NRXN1: variants seen among roughly 807,000 people sequenced by gnomAD.
NRXN1 encodes neurexin 1, also known as neurexin-1.
NRXN1 carries 39 observed loss-of-function variants against 150.9 expected under a neutral mutation model. The observed-to-expected ratio is 0.26, with a 90% confidence interval of 0.20 to 0.34. The LOEUF (loss-of-function observed/expected upper bound fraction) is 0.34, where lower values mean the gene tolerates loss of function less well. Among genes scored for constraint, NRXN1 ranks in the 10% least tolerant of loss-of-function variants. NRXN1 has a pLI of 1.00. For missense variants in NRXN1, 1,815 were observed against 1,949.9 expected, an observed-to-expected ratio of 0.93 and a Z score of 1.30; for synonymous variants, 924 against 757.0, an observed-to-expected ratio of 1.22 and a Z score of -3.62.
At chr2:50,218,865 T>C (rs959624204) in intron 18 of NRXN1, among the ~76,000 whole-genome samples, 2 of 152,056 alleles carry the variant, frequency 1.3e-5, no homozygotes, top group Non-Finnish European at 2.9e-5. Context: ...GTTATACATA[T>C]GCAAAACAAA....
intron 17 of NRXN1, among the ~76,000 whole-genome samples, chr2:50,260,564 C>T (rs1333158294): frequency 6.9e-6 from 1 of 145,452 alleles, no homozygotes; most frequent in Non-Finnish European, 1.5e-5. Flanking sequence ...AATTCCTATT[C>T]AATCACTTTT....
intron 8 of NRXN1, among the ~76,000 whole-genome samples, chr2:50,566,480 C>T (rs1669882832): frequency 6.7e-6 from 1 of 148,432 alleles, no homozygotes; most frequent in African/African-American, 2.5e-5. Flanking sequence ...GTCTGAAATG[C>T]ATGACCTCTG....
intron 18 of NRXN1, among the ~76,000 whole-genome samples, chr2:50,164,299 T>C (rs2059543842): frequency 1.3e-5 from 2 of 152,176 alleles, no homozygotes; most frequent in South Asian, 2.1e-4. Flanking sequence ...GTTAAAATGA[T>C]TTAGTTTGAC....
chr2:50,207,071 A>T (rs933195179), intron 18 of NRXN1, among the ~76,000 whole-genome samples: 2 of 152,084 alleles, frequency 1.3e-5, no homozygotes, highest in Non-Finnish European at 2.9e-5. Context: ...GAAATTCATA[A>T]AAGTATGTTA....
At chr2:50,424,762 C>T (rs1300897177) in intron 17 of NRXN1, among the ~76,000 whole-genome samples, 1 of 152,122 alleles carries the variant, frequency 6.6e-6, no homozygotes, top group Non-Finnish European at 1.5e-5. Flanking sequence ...GTCCTGGATA[C>T]CTATTTGTAC....
intron 8 of NRXN1, among the ~76,000 whole-genome samples, chr2:50,566,491 G>T (rs1573575151): frequency 6.6e-6 from 1 of 150,668 alleles, no homozygotes; most frequent in African/African-American, 2.5e-5. Flanking sequence ...ATGACCTCTG[G>T]TGATCCGCCT....
intron 18 of NRXN1, 72 bp downstream of exon 18, chr2:50,236,717 C>A (rs923151313): frequency 6.1e-6 from 9 of 1,468,302 alleles, no homozygotes; most frequent in Non-Finnish European, 8.5e-6. Context: ...ATCCAAGAAG[C>A]AAAATTATAA....
At chr2:50,637,033 A>C (rs556485220) in intron 5 of NRXN1, among the ~76,000 whole-genome samples, 19 of 152,296 alleles carry the variant, frequency 1.2e-4, no homozygotes, top group African/African-American at 4.3e-4. Context: ...TAGAGCCCAT[A>C]ATTTGAAATT....
chr2:51,026,934 C>T (rs1208090912), intron 2 of NRXN1, among the ~76,000 whole-genome samples: 1 of 152,176 alleles, frequency 6.6e-6, no homozygotes, highest in Non-Finnish European at 1.5e-5. Context: ...AGGTTTTTAC[C>T]GCTCTATCTG....
intron 8 of NRXN1, among the ~76,000 whole-genome samples, chr2:50,567,338 G>C (rs1670026279): frequency 6.6e-6 from 1 of 152,162 alleles, no homozygotes; most frequent in African/African-American, 2.4e-5. Context: ...TAAGAGAAGA[G>C]AGATGTACTA....
At chr2:50,195,971 T>G (rs1263168304) in intron 18 of NRXN1, among the ~76,000 whole-genome samples, 2 of 152,120 alleles carry the variant, frequency 1.3e-5, no homozygotes, top group Non-Finnish European at 2.9e-5. Context: ...TTTTATTTTT[T>G]AATTTTATTT....
intron 2 of NRXN1, among the ~76,000 whole-genome samples, chr2:50,979,725 CAGA>C (rs1409463104): frequency 1.3e-5 from 2 of 152,092 alleles, no homozygotes; most frequent in Non-Finnish European, 2.9e-5. Context: ...TGTACTTTCT[CAGA>C]AGAAAAGGAT....
intron 5 of NRXN1, among the ~76,000 whole-genome samples, chr2:50,872,062 G>A (rs562715449): frequency 2.6e-4 from 39 of 151,884 alleles, no homozygotes; most frequent in African/African-American, 9.2e-4. Flanking sequence ...ACTACTCAGA[G>A]ACAACTACCT....
At chr2:50,811,199 C>T (rs1386996642) in intron 5 of NRXN1, among the ~76,000 whole-genome samples, 1 of 152,106 alleles carries the variant, frequency 6.6e-6, no homozygotes, top group Non-Finnish European at 1.5e-5. Context: ...ACCGGCTAAT[C>T]CAACACTGAT....
intron 8 of NRXN1, among the ~76,000 whole-genome samples, chr2:50,618,181 G>A (rs1443242509): frequency 2.0e-5 from 3 of 152,122 alleles, no homozygotes; most frequent in African/African-American, 4.8e-5. Context: ...CAGGTGATTG[G>A]GGATGCGGCT....
chr2:50,495,842 T>C, intron 15 of NRXN1, 63 bp downstream of exon 15: 1 of 1,429,948 alleles, frequency 7.0e-7, no homozygotes, highest in South Asian at 1.5e-5. Flanking sequence ...AAGCAAAGGA[T>C]TTTCCATGTG....
intron 5 of NRXN1, among the ~76,000 whole-genome samples, chr2:50,702,286 GC>G (rs1693849562): frequency 6.6e-6 from 1 of 151,616 alleles, no homozygotes; most frequent in South Asian, 2.1e-4. Flanking sequence ...CATCCTACAG[GC>G]CATTTTCATG....
chr2:50,293,001 T>A (rs1360312072), intron 17 of NRXN1, among the ~76,000 whole-genome samples: 2 of 152,142 alleles, frequency 1.3e-5, no homozygotes, highest in African/African-American at 2.4e-5. Context: ...TAATGCAACT[T>A]AAAGGAATAA....
intron 5 of NRXN1, among the ~76,000 whole-genome samples, chr2:50,747,605 T>G (rs1440469670): frequency 6.6e-6 from 1 of 152,124 alleles, no homozygotes; most frequent in Non-Finnish European, 1.5e-5. Flanking sequence ...CCACACTTGA[T>G]CTATCTCATC....
Sources: gnomAD v4.1 joint callset for allele counts (sites outside exome capture counted in the v4.1 genomes callset) on GRCh38, gnomAD v4.1.1 for gene constraint, MANE v1.5 for transcripts, NCBI Gene and HGNC (gene_info 2026-07-23, HGNC 2026-07-21) for gene names.